The following KPNA1 variants were observed in gnomAD, a reference collection of about 807,000 sequenced individuals.
The protein encoded by KPNA1 is karyopherin subunit alpha 1, also known as importin subunit alpha-5.
In KPNA1, 10 loss-of-function variants were observed where a neutral mutation model predicts 70.5. The ratio of observed to expected loss-of-function variants is 0.14; its 90% confidence interval spans 0.09 to 0.24. The LOEUF is 0.24. Among genes scored for constraint, KPNA1 ranks in the 10% least tolerant of loss-of-function variants. KPNA1 has a pLI of 1.00. For missense variants in KPNA1, 397 were observed against 637.9 expected (o/e 0.62, Z 4.07); for synonymous variants, 192 against 221.9 (o/e 0.87, Z 1.20).
intron 1 of KPNA1, among the ~76,000 whole-genome samples, chr3:122,507,014 G>A (rs1158064546): frequency 6.6e-6 from 1 of 152,146 alleles, no homozygotes; most frequent in African/African-American, 2.4e-5. Context: ...GTTCCAATAT[G>A]AGGGCTTGGT....
chr3:122,437,420 T>C, intron 10 of KPNA1, 125 bp from the exon 11 acceptor site: 1 of 651,708 alleles, frequency 1.5e-6, no homozygotes, highest in East Asian at 2.9e-5. Flanking sequence ...AGTAACTTTA[T>C]ACAGGTAAAA....
chr3:122,499,540 G>A (rs1426287307), intron 1 of KPNA1, among the ~76,000 whole-genome samples: 5 of 151,922 alleles, frequency 3.3e-5, no homozygotes, highest in Non-Finnish European at 5.9e-5. Flanking sequence ...ATCACTTGAA[G>A]CCAGGAGTTC....
chr3:122,448,454 G>A (rs2076164715), intron 9 of KPNA1, among the ~76,000 whole-genome samples: 1 of 152,212 alleles, frequency 6.6e-6, no homozygotes, highest in Non-Finnish European at 1.5e-5. Context: ...GGACGTGGAT[G>A]AAGCTGGAAA....
At chr3:122,476,682 C>T (rs1441006533) in intron 2 of KPNA1, among the ~76,000 whole-genome samples, 1 of 151,472 alleles carries the variant, frequency 6.6e-6, no homozygotes, top group Non-Finnish European at 1.5e-5. Context: ...TCACTCATCA[C>T]CAGGGAAATA....
Position 122,426,606 on chromosome 3 carries a change from T to G in KPNA1, c.*379A>C, listed in dbSNP as rs1284372419. 5.9e-6 allele frequency: 1 copy of G among 169,678 alleles called. No homozygotes were observed. Among genetic ancestry groups the G allele is most frequent in the East Asian group, 1.6e-4 (1 of 6,070 alleles). The allele number at this position is 169,678 out of a possible 1,614,324, so 10.5% of individuals were successfully genotyped here. ...AAGATAAAGATTTAGTCTCATCTTT[T>G]AATGTCAGTTTTTTCCCCCATGTTA... is the stretch of plus-strand genomic sequence containing the variant. On this transcript the variant is annotated 3_prime_UTR_variant, in exon 14 of 14. Coordinates refer to ENST00000344337, the MANE Select transcript of KPNA1 (RefSeq NM_002264.4).
intron 6 of KPNA1, among the ~76,000 whole-genome samples, chr3:122,452,557 G>T (rs1299011184): frequency 2.1e-5 from 1 of 48,028 alleles, no homozygotes; most frequent in Non-Finnish European, 4.4e-5. Flanking sequence ...AGGGAGGGAG[G>T]GAGGGAGGGA....
chr3:122,429,446 C>CAAAA (rs57991855), intron 12 of KPNA1, among the ~76,000 whole-genome samples: 1,073 of 58,648 alleles, frequency 0.018, 82 homozygotes, highest in East Asian at 0.027. Flanking sequence ...AACTCTGTCT[C>CAAAA]AAAAAAAAAA....
At chr3:122,473,716 G>T (rs1576321023) in intron 2 of KPNA1, among the ~76,000 whole-genome samples, 1 of 151,954 alleles carries the variant, frequency 6.6e-6, no homozygotes, top group East Asian at 1.9e-4. Context: ...ACTTGACAAG[G>T]AATATCCAGA....
At chr3:122,460,680 A>G in intron 5 of KPNA1, 1 of 881,348 alleles carries the variant, frequency 1.1e-6, no homozygotes, top group East Asian at 1.2e-4. Context: ...CTGAATCCAG[A>G]GATTACAAAA....
chr3:122,476,121 C>A (rs1223233430), intron 2 of KPNA1, among the ~76,000 whole-genome samples: 1 of 152,116 alleles, frequency 6.6e-6, no homozygotes, highest in East Asian at 1.9e-4. Context: ...ATAAACAGCC[C>A]AGAAATAAAT....
At chr3:122,445,276 G>A (rs888931616) in intron 9 of KPNA1, among the ~76,000 whole-genome samples, 13 of 152,284 alleles carry the variant, frequency 8.5e-5, no homozygotes, top group East Asian at 3.9e-4. Context: ...TTCAATAGCC[G>A]ATTCAATCAA....
intron 1 of KPNA1, among the ~76,000 whole-genome samples, chr3:122,509,954 A>AAGC (rs1471637020): frequency 1.3e-4 from 20 of 152,334 alleles, no homozygotes; most frequent in African/African-American, 4.8e-4. Flanking sequence ...AGGGTTAAAA[A>AAGC]TATCCTAAAA....
At chr3:122,455,612 A>G (rs1413355200) in intron 5 of KPNA1, among the ~76,000 whole-genome samples, 1 of 151,948 alleles carries the variant, frequency 6.6e-6, no homozygotes, top group Non-Finnish European at 1.5e-5. Context: ...CTGGAGTGCA[A>G]TGTCACGTTC....
chr3:122,467,032 TAAATAAATAAA>T (rs1194606104), intron 3 of KPNA1, among the ~76,000 whole-genome samples: 1 of 151,050 alleles, frequency 6.6e-6, no homozygotes, highest in African/African-American at 2.4e-5. Context: ...AATAAATAAA[TAAATAAATAAA>T]TAAATAAATA....
rs34002370 is a variant in KPNA1, at chr3:122,489,057, CGTGT to C, written c.129+7376_129+7379del. Among the ~76,000 whole-genome samples, 104 of 130,786 alleles carry C rather than the reference CGTGT, an allele frequency of 8.0e-4. 2 individuals are homozygous for C. The highest frequency in any genetic ancestry group is 2.6e-3 in the African/African-American group (88 of 34,340). 85.8% of individuals were successfully genotyped at this position (130,786 alleles called of 152,430 possible). A position where few individuals can be genotyped will look rare whatever the true frequency, so the allele number is the denominator to read the frequency against. On this transcript the variant is annotated intron_variant, in intron 2 of 13. Coordinates refer to ENST00000344337, the MANE Select transcript of KPNA1 (RefSeq NM_002264.4). ...ACTCGCTTGTGGGTTTTTTTGCGTG[CGTGT>C]GTGTGTGTGTGTGTGTGTGTGTGTC...
chr3:122,431,082 T>A (rs1158152600), intron 12 of KPNA1, among the ~76,000 whole-genome samples: 3 of 152,246 alleles, frequency 2.0e-5, no homozygotes, highest in African/African-American at 7.2e-5. Context: ...ATAATCCTTA[T>A]CCTTCATTAA....
intron 2 of KPNA1, among the ~76,000 whole-genome samples, chr3:122,487,171 G>A (rs1051370766): frequency 2.0e-5 from 3 of 152,096 alleles, no homozygotes; most frequent in African/African-American, 7.2e-5. Flanking sequence ...GACAAAACCA[G>A]AATGTAAGGA....
At chr3:122,460,113 T>C in intron 5 of KPNA1, 2 of 985,392 alleles carry the variant, frequency 2.0e-6, no homozygotes, top group Middle Eastern at 5.2e-4. Flanking sequence ...TTTTTATAGC[T>C]GCATAGTCTC....
In KPNA1 at chr3:122,426,470, A is replaced by G. The variant is rs1450106981; in HGVS notation, c.*515T>C. On this transcript the variant is annotated 3_prime_UTR_variant, in exon 14 of 14. Coordinates refer to ENST00000344337, the MANE Select transcript of KPNA1 (RefSeq NM_002264.4). Reference sequence around the variant, plus strand: ...GGATTAATGCAAATCTGGCTAGAAAAAGCCACCAGGTAATCCAAGGGTTCA... The same window carrying G: ...GGATTAATGCAAATCTGGCTAGAAAGAGCCACCAGGTAATCCAAGGGTTCA... The G allele has an allele frequency of 6.5e-6, 1 of 152,736 alleles. No individual in the cohort carries two copies. The highest frequency in any genetic ancestry group is 1.5e-5 in the Non-Finnish European group (1 of 68,140). The allele number at this position is 152,736 out of a possible 1,614,324, so 9.5% of individuals were successfully genotyped here.
Sources: allele counts gnomAD v4.1 joint callset (sites outside exome capture counted in the v4.1 genomes callset), GRCh38; gene constraint gnomAD v4.1.1; transcripts MANE v1.5; gene names NCBI Gene and HGNC (gene_info 2026-07-23, HGNC 2026-07-21).